LPP: variants seen among roughly 807,000 people sequenced by gnomAD.
The protein encoded by LPP is LIM domain containing preferred translocation partner in lipoma, also known as lipoma-preferred partner.
Under a neutral mutation model 60.4 loss-of-function variants are expected in LPP, and 38 were observed. That is an observed-to-expected ratio of 0.63 (90% CI 0.49 to 0.83). The LOEUF is 0.83. LPP is among the 40% of genes least tolerant of loss of function. The probability of loss-of-function intolerance (pLI) is 0.00; values close to 1 mark genes in which losing one functional copy is unlikely to be tolerated. For synonymous variants in LPP, 328 were observed against 290.8 expected, an observed-to-expected ratio of 1.13 and a Z score of -1.30; for missense variants, 902 against 783.6, an observed-to-expected ratio of 1.15 and a Z score of -1.80.
At chr3:188,872,384 G>A (rs567541500) in intron 10 of LPP, among the ~76,000 whole-genome samples, 19 of 152,190 alleles carry the variant, frequency 1.2e-4, no homozygotes, top group African/African-American at 3.9e-4. Flanking sequence ...ATTTCATACC[G>A]CGCACCATGC....
chr3:188,636,150 T>C (rs1848695092), intron 7 of LPP, among the ~76,000 whole-genome samples: 1 of 152,196 alleles, frequency 6.6e-6, no homozygotes, highest in Admixed American at 6.5e-5. Context: ...GGTACCGGGT[T>C]CATCTCACTA....
In LPP at chr3:188,252,069, TATATATAC is replaced by T. The variant is rs1229774337; in HGVS notation, c.-67+26544_-67+26551del. Among the ~76,000 whole-genome samples, 160 of 101,632 alleles carry T rather than the reference TATATATAC, an allele frequency of 1.6e-3. 1 individual carries two copies. The highest frequency in any genetic ancestry group is 3.2e-3 in the African/African-American group (72 of 22,502). The allele number at this position is 101,632 out of a possible 152,430, so 66.7% of individuals were successfully genotyped here. A position where few individuals can be genotyped will look rare whatever the true frequency, so the allele number is the denominator to read the frequency against. On this transcript the variant is annotated intron_variant, in intron 2 of 11. Coordinates refer to ENST00000617246, the MANE Select transcript of LPP (RefSeq NM_001375462.1). Reference sequence around the variant, plus strand: ...ATATATATATATATATATATATATATATATATACACACACACACACACATATATCAGAT... The same window carrying T: ...ATATATATATATATATATATATATATACACACACACACACATATATCAGAT...
chr3:188,175,356 G>A (rs1722776340), intron 1 of LPP, among the ~76,000 whole-genome samples: 1 of 152,106 alleles, frequency 6.6e-6, no homozygotes, highest in Non-Finnish European at 1.5e-5. Flanking sequence ...CCAAAGTGCT[G>A]GGATTACAGG....
At chr3:188,640,830 G>A (rs1373834314) in intron 7 of LPP, among the ~76,000 whole-genome samples, 1 of 152,036 alleles carries the variant, frequency 6.6e-6, no homozygotes, top group Non-Finnish European at 1.5e-5. Flanking sequence ...CCATGGCAGT[G>A]ATTATTGATA....
At chr3:188,203,467 ATT>A (rs1188473428) in intron 1 of LPP, among the ~76,000 whole-genome samples, 2 of 92,180 alleles carry the variant, frequency 2.2e-5, no homozygotes, top group Non-Finnish European at 3.8e-5. Context: ...AAATATATAT[ATT>A]TTTAAATATA....
At chr3:188,282,648 G>A (rs6800202) in intron 2 of LPP, among the ~76,000 whole-genome samples, 110,286 of 151,916 alleles carry the variant, frequency 0.73, 41,214 homozygotes, top group African/African-American at 0.9. Context: ...CTTCCTTTTG[G>A]CCCCTGCCTC....
At chr3:188,639,002 T>C (rs1444305979) in intron 7 of LPP, among the ~76,000 whole-genome samples, 2 of 151,192 alleles carry the variant, frequency 1.3e-5, no homozygotes, top group East Asian at 3.9e-4. Context: ...CTTCACAGAA[T>C]TGGAAAAAAC....
At chr3:188,755,012 C>T (rs190508909) in intron 8 of LPP, among the ~76,000 whole-genome samples, 140 of 152,262 alleles carry the variant, frequency 9.2e-4, no homozygotes, top group Non-Finnish European at 1.8e-3. Context: ...GAATATGTTG[C>T]CATCATTTCA....
chr3:188,345,306 G>A (rs541272724), intron 3 of LPP, among the ~76,000 whole-genome samples: 2 of 152,212 alleles, frequency 1.3e-5, no homozygotes, highest in South Asian at 4.1e-4. Flanking sequence ...ATGAAGACAT[G>A]GCACAGAGGG....
At chr3:188,765,841 G>T (rs895651454) in intron 9 of LPP, among the ~76,000 whole-genome samples, 11 of 142,806 alleles carry the variant, frequency 7.7e-5, no homozygotes, top group African/African-American at 2.7e-4. Flanking sequence ...CACGTGCAAC[G>T]TGCAACTTAA....
At chr3:188,266,707 T>C (rs1735697526) in intron 2 of LPP, among the ~76,000 whole-genome samples, 1 of 152,208 alleles carries the variant, frequency 6.6e-6, no homozygotes, top group South Asian at 2.1e-4. Context: ...CCCGGGTTTA[T>C]GTCTGTTCTA....
chr3:188,834,999 G>A (rs555231078), intron 9 of LPP, among the ~76,000 whole-genome samples: 1 of 152,204 alleles, frequency 6.6e-6, no homozygotes, highest in Non-Finnish European at 1.5e-5. Flanking sequence ...GGAAGAGCTT[G>A]TGGCAGAAGT....
At chr3:188,617,187 C>T (rs552499680) in intron 7 of LPP, among the ~76,000 whole-genome samples, 5 of 152,248 alleles carry the variant, frequency 3.3e-5, no homozygotes, top group South Asian at 2.1e-4. Flanking sequence ...GGCTAGCCTA[C>T]GTAAACCATC....
intron 3 of LPP, among the ~76,000 whole-genome samples, chr3:188,363,905 C>CA (rs541715135): frequency 0.47 from 45,799 of 96,998 alleles, 10,341 homozygotes; most frequent in Middle Eastern, 0.63. Flanking sequence ...AACTCCCTCC[C>CA]AAAAAAAAAA....
intron 2 of LPP, among the ~76,000 whole-genome samples, chr3:188,310,840 T>G (rs188359091): frequency 4.7e-4 from 72 of 152,244 alleles, no homozygotes; most frequent in South Asian, 4.1e-3. Flanking sequence ...CTATTATTAT[T>G]TTTTAAAAGA....
chr3:188,353,733 A>C (rs1470872009), intron 3 of LPP, among the ~76,000 whole-genome samples: 1 of 152,230 alleles, frequency 6.6e-6, no homozygotes, highest in Non-Finnish European at 1.5e-5. Context: ...CCTCAGGTTT[A>C]AATGCTGTTA....
intron 7 of LPP, among the ~76,000 whole-genome samples, chr3:188,690,018 C>T (rs577821544): frequency 1.2e-4 from 19 of 152,204 alleles, no homozygotes; most frequent in Admixed American, 1.1e-3. Context: ...ATCTGTTTCC[C>T]TGACTTTATC....
intron 8 of LPP, among the ~76,000 whole-genome samples, chr3:188,754,014 T>C (rs1729248132): frequency 6.6e-6 from 1 of 152,334 alleles, no homozygotes; most frequent in African/African-American, 2.4e-5. Context: ...AGATTGCATA[T>C]TGCTACATTA....
rs1188373554 is a variant in LPP at position 188,609,111 on chromosome 3, T to C, written c.430-50T>C. On this transcript the variant is annotated intron_variant, in intron 6 of 11. Transcript: ENST00000617246. The surrounding 1 kb of genome is among the most constrained non-coding windows in gnomAD (Gnocchi z 6.9). ...TTTATTCATTTTTATTGAGTTTCGT[T>C]GGCAGTAATTTTTGCTTTCTTTCTT... 1.5e-6 allele frequency: 2 copies of C among 1,319,814 alleles called. No homozygotes were observed. The highest frequency in any genetic ancestry group is 2.7e-5 in the South Asian group (2 of 73,216). 81.8% of individuals were successfully genotyped at this position (1,319,814 alleles called of 1,614,324 possible).
Sources: gnomAD v4.1 joint callset for allele counts (sites outside exome capture counted in the v4.1 genomes callset) on GRCh38, gnomAD v4.1.1 for gene constraint, Gnocchi (gnomAD v3.1) non-coding constraint, MANE v1.5 for transcripts, NCBI Gene and HGNC (gene_info 2026-07-23, HGNC 2026-07-21) for gene names.